The following FXR1 variants were observed in gnomAD, a reference collection of about 807,000 sequenced individuals.
FXR1 encodes the protein RNA-binding protein FXR1.
Under a neutral mutation model 84.0 loss-of-function variants are expected in FXR1, and 15 were observed. The observed-to-expected ratio is 0.18, with a 90% CI of 0.12 to 0.27. The LOEUF is 0.27. FXR1 is among the 10% of genes least tolerant of loss of function. FXR1 has a pLI of 1.00. For missense variants in FXR1, 480 were observed against 774.4 expected, an observed-to-expected ratio of 0.62 and a Z score of 4.51; for synonymous variants, 245 against 250.7, an observed-to-expected ratio of 0.98 and a Z score of 0.21.
chr3:180,965,552 C>T (rs1187218713), intron 13 of FXR1, among the ~76,000 whole-genome samples: 6 of 152,144 alleles, frequency 3.9e-5, no homozygotes, highest in Admixed American at 2.6e-4. Context: ...GTCAGCTGGG[C>T]TACGTTTCTT....
intron 7 of FXR1, among the ~76,000 whole-genome samples, chr3:180,950,591 A>C (rs754150272): frequency 6.6e-6 from 1 of 152,122 alleles, no homozygotes; most frequent in Non-Finnish European, 1.5e-5. Context: ...TCTTCAGTAC[A>C]TCTCATCTTG....
At position 180,948,485 on chromosome 3, in the gene FXR1, T is replaced by A. The variant is rs771714210; in HGVS notation, c.409T>A (p.Leu137Met). The part of the protein sequence containing the change: ...FKCTVDVPED[L>M]REACANENAH... ...ATGCACAGTGGATGTTCCTGAGGAT[T>A]TGAGAGAGGCGTGAGTAATTTTATA... is the stretch of plus-strand genomic sequence containing the variant. Residue 137 changes from leucine to methionine, a missense_variant, in exon 5 of 17, where the codon TTG becomes ATG. By Grantham distance (15) the Leu-to-Met change is conservative. Transcript: ENST00000357559. 6.2e-7 allele frequency: 1 copy of A among 1,603,782 alleles called. No homozygotes were observed. The highest frequency in any genetic ancestry group is 1.1e-5 in the South Asian group (1 of 90,170).
At chr3:180,923,688 A>G (rs1426742664) in intron 1 of FXR1, among the ~76,000 whole-genome samples, 1 of 152,084 alleles carries the variant, frequency 6.6e-6, no homozygotes, top group Non-Finnish European at 1.5e-5. Context: ...CACATCTTTG[A>G]GTGTCAGGGA....
intron 5 of FXR1, 94 bp from the exon 6 acceptor site, chr3:180,948,627 G>A: frequency 2.1e-6 from 2 of 961,818 alleles, no homozygotes; most frequent in Non-Finnish European, 3.3e-6. Context: ...GTTTTAGTGG[G>A]GCTTGTCAAA....
chr3:180,915,653 T>TC (rs1717805687), intron 1 of FXR1: 2 of 710,180 alleles, frequency 2.8e-6, no homozygotes, highest in Non-Finnish European at 5.1e-6. Context: ...TTCCCTTTTT[T>TC]CCCCTCCTCT....
intron 1 of FXR1, among the ~76,000 whole-genome samples, chr3:180,930,419 TGA>T (rs1011751924): frequency 2.6e-5 from 4 of 151,442 alleles, no homozygotes; most frequent in African/African-American, 9.7e-5. Flanking sequence ...CAAAGGAGAG[TGA>T]GAGATTATTA....
Position 180,982,012 on chromosome 3 carries a change from A to T in FXR1, c.*5720A>T, listed in dbSNP as rs764640425. On this transcript the variant is annotated 3_prime_UTR_variant, in exon 17 of 17. Coordinates refer to ENST00000357559, the MANE Select transcript of FXR1 (RefSeq NM_005087.4). ...CTGTAGAGATAAGTACTAGACTCACATCTCAGTACTATCAAGGAAAACATG... is the reference window on the plus strand; with the variant it reads ...CTGTAGAGATAAGTACTAGACTCACTTCTCAGTACTATCAAGGAAAACATG... 4 of 152,214 alleles carry T rather than the reference A, an allele frequency of 2.6e-5. No homozygotes were observed. The highest frequency in any genetic ancestry group is 4.4e-5 in the Non-Finnish European group (3 of 67,954). The allele number at this position is 152,214 out of a possible 1,614,324, so 9.4% of individuals were successfully genotyped here.
intron 1 of FXR1, among the ~76,000 whole-genome samples, chr3:180,918,693 A>G (rs1171142383): frequency 6.6e-6 from 1 of 152,176 alleles, no homozygotes; most frequent in Non-Finnish European, 1.5e-5. Context: ...TGCAGTATGA[A>G]GCAGTTGTAT....
chr3:180,951,975 G>C (rs1177102020), intron 8 of FXR1, among the ~76,000 whole-genome samples: 2 of 152,194 alleles, frequency 1.3e-5, no homozygotes, highest in African/African-American at 2.4e-5. Flanking sequence ...TCTGAGGCAG[G>C]AGGATTGCTT....
chr3:180,971,161 T>C, intron 15 of FXR1: 1 of 1,213,628 alleles, frequency 8.2e-7, no homozygotes, highest in Non-Finnish European at 1.1e-6. Context: ...GCCAGGTAAC[T>C]TGAGTGGACC....
At chr3:180,963,860 T>G (rs1175561854) in intron 13 of FXR1, among the ~76,000 whole-genome samples, 1 of 150,632 alleles carries the variant, frequency 6.6e-6, no homozygotes, top group East Asian at 1.9e-4. Flanking sequence ...GTGACCTGAT[T>G]TGTTTTTTTC....
At chr3:180,963,148 T>G (rs1005652975) in intron 13 of FXR1, 58 bp downstream of exon 13, 1 of 714,550 alleles carries the variant, frequency 1.4e-6, no homozygotes, top group Middle Eastern at 3.7e-4. Flanking sequence ...AGTTATAGTT[T>G]AGGTGCTCTA....
At chr3:180,972,453 C>CA (rs772593538) in intron 15 of FXR1, among the ~76,000 whole-genome samples, 31 of 149,926 alleles carry the variant, frequency 2.1e-4, no homozygotes, top group African/African-American at 4.9e-4. Flanking sequence ...GACCCTGTCT[C>CA]AAAAAAAAAT....
chr3:180,975,528 A>G, intron 16 of FXR1, 124 bp downstream of exon 16: 1 of 478,134 alleles, frequency 2.1e-6, no homozygotes, highest in East Asian at 3.5e-5. Context: ...TATTTTAGTT[A>G]AAGACTCTTG....
rs1027193607 is a variant in FXR1, at chr3:180,980,790, A to C, written c.*4498A>C. 1.3e-5 allele frequency: 2 copies of C among 152,112 alleles called. No homozygotes were observed. The highest frequency in any genetic ancestry group is 1.5e-5 in the Non-Finnish European group (1 of 67,894). 9.4% of individuals were successfully genotyped at this position (152,112 alleles called of 1,614,324 possible). A position where few individuals can be genotyped will look rare whatever the true frequency, so the allele number is the denominator to read the frequency against. ...GTTGCTAAGGCAGTAGTTGGCTCTAAGCTGATAAACAGCACACTGTACAGC... is the reference window on the plus strand; with the variant it reads ...GTTGCTAAGGCAGTAGTTGGCTCTACGCTGATAAACAGCACACTGTACAGC... On this transcript the variant is annotated 3_prime_UTR_variant, in exon 17 of 17. Transcript: ENST00000357559.
intron 2 of FXR1, among the ~76,000 whole-genome samples, chr3:180,934,093 G>A (rs985185191): frequency 6.6e-6 from 1 of 152,108 alleles, no homozygotes; most frequent in African/African-American, 2.4e-5. Flanking sequence ...CAGCCTGGAC[G>A]ACAAGAGCAA....
chr3:180,961,381 G>C, intron 10 of FXR1, 87 bp from the exon 11 acceptor site: 1 of 395,150 alleles, frequency 2.5e-6, no homozygotes, highest in Non-Finnish European at 4.8e-6. Flanking sequence ...GTGTGTGTGT[G>C]TGCCTGCCTG....
chr3:180,975,167 T>G (rs1402654528), intron 15 of FXR1, 146 bp from the exon 16 acceptor site: 3 of 406,280 alleles, frequency 7.4e-6, no homozygotes, highest in Non-Finnish European at 9.0e-6. Flanking sequence ...TAAAGCTTTG[T>G]TTTTGGTTGG....
chr3:180,912,818 G>T, intron 1 of FXR1, 82 bp downstream of exon 1: 1 of 1,606,514 alleles, frequency 6.2e-7, no homozygotes, highest in East Asian at 2.2e-5. Flanking sequence ...CAGAGAGTGA[G>T]GTTTGGGGTC....
Sources: gnomAD v4.1 joint callset for allele counts (sites outside exome capture counted in the v4.1 genomes callset) on GRCh38, gnomAD v4.1.1 for gene constraint, MANE v1.5 for transcripts, NCBI Gene and HGNC (gene_info 2026-07-23, HGNC 2026-07-21) for gene names.